Variants in RASGRF1 observed in about 807,000 individuals in gnomAD.
RASGRF1 encodes the protein ras-specific guanine nucleotide-releasing factor 1.
A neutral mutation model predicts 138.7 loss-of-function variants in RASGRF1; 40 were observed. The ratio of observed to expected loss-of-function variants is 0.29; its 90% CI spans 0.22 to 0.38. The LOEUF (loss-of-function observed/expected upper bound fraction) is 0.38, where lower values mean the gene tolerates loss of function less well. RASGRF1 is among the 10% of genes least tolerant of loss of function. RASGRF1 has a pLI of 1.00. For synonymous variants in RASGRF1, 614 were observed against 663.2 expected (o/e 0.93, Z 1.14); for missense variants, 1,108 against 1,650.4 (o/e 0.67, Z 5.69).
At chr15:79,035,891 A>G (rs1288332895) in intron 5 of RASGRF1, among the ~76,000 whole-genome samples, 5 of 152,212 alleles carry the variant, frequency 3.3e-5, no homozygotes, top group Admixed American at 2.0e-4. Flanking sequence ...AATCAAAGTC[A>G]GAGAAGCCAA....
chr15:78,960,908 C>T lies in RASGRF1; in HGVS notation c.*1236G>A, dbSNP rs1045896931. ...ATGAAACCCATCAAAACTCGCTGTTCACCCTGAGATAGAATAGATTTATTA... is the reference window on the plus strand; with the variant it reads ...ATGAAACCCATCAAAACTCGCTGTTTACCCTGAGATAGAATAGATTTATTA... On this transcript the variant is annotated 3_prime_UTR_variant, in exon 27 of 27. Coordinates refer to ENST00000558480, the MANE Select transcript of RASGRF1 (RefSeq NM_001145648.3). 3.9e-5 allele frequency: 6 copies of T among 152,194 alleles called. No individual in the cohort carries two copies. Among genetic ancestry groups the T allele is most frequent in the Non-Finnish European group, 8.8e-5 (6 of 68,038 alleles). The allele number at this position is 152,194 out of a possible 1,614,324, so 9.4% of individuals were successfully genotyped here. A position where few individuals can be genotyped will look rare whatever the true frequency, so the allele number is the denominator to read the frequency against.
intron 1 of RASGRF1, among the ~76,000 whole-genome samples, chr15:79,079,119 G>T (rs1189217166): frequency 3.3e-5 from 5 of 152,230 alleles, no homozygotes; most frequent in Non-Finnish European, 7.3e-5. Context: ...GTCTGCGGAA[G>T]GGTCTCTGTT....
At chr15:79,086,769 G>T (rs2057986399) in intron 1 of RASGRF1, among the ~76,000 whole-genome samples, 1 of 152,202 alleles carries the variant, frequency 6.6e-6, no homozygotes. Flanking sequence ...AGAAGCTGGG[G>T]CTGGACATTT....
chr15:79,088,688 G>A (rs1040394581), intron 1 of RASGRF1, among the ~76,000 whole-genome samples: 6 of 152,200 alleles, frequency 3.9e-5, no homozygotes, highest in Admixed American at 2.0e-4. Flanking sequence ...TGCAGGCCCC[G>A]GGTAGGTATG....
chr15:79,059,959 TACACTCACACACACACACACACAG>T (rs1316020213), intron 2 of RASGRF1, among the ~76,000 whole-genome samples: 1 of 113,306 alleles, frequency 8.8e-6, no homozygotes, highest in Admixed American at 9.2e-5. Context: ...TCTCCACTGA[TACACTCACACACACACACACACAG>T]ACACACAGAC....
chr15:78,970,093 A>G (rs2055720645), intron 26 of RASGRF1, among the ~76,000 whole-genome samples: 1 of 152,218 alleles, frequency 6.6e-6, no homozygotes. Flanking sequence ...CATTGATCAC[A>G]AAGGACATTA....
At position 79,064,531 on chromosome 15, in the gene RASGRF1, A is replaced by G; in HGVS notation, c.277-5T>C. The G allele has an allele frequency of 1.2e-6, 2 of 1,612,680 alleles. No homozygotes were observed. The highest frequency in any genetic ancestry group is 2.2e-5 in the East Asian group (1 of 44,876). On this transcript the variant is annotated splice_polypyrimidine_tract_variant and splice_region_variant and intron_variant, in intron 1 of 26. Coordinates refer to ENST00000558480, the MANE Select transcript of RASGRF1 (RefSeq NM_001145648.3). ...GAAGTTCACCGTGAAGTAATGCTGT[A>G]TCAAGAAGAAGACATCTCCAATTAC...
At chr15:79,081,032 T>C (rs1240353549) in intron 1 of RASGRF1, among the ~76,000 whole-genome samples, 2 of 152,204 alleles carry the variant, frequency 1.3e-5, no homozygotes, top group Non-Finnish European at 2.9e-5. Flanking sequence ...TTAAATGAAA[T>C]GCTAATCGTG....
At chr15:79,084,255 T>C (rs1595979974) in intron 1 of RASGRF1, among the ~76,000 whole-genome samples, 2 of 152,302 alleles carry the variant, frequency 1.3e-5, no homozygotes, top group South Asian at 4.1e-4. Context: ...GTTTGGCAAA[T>C]ACTATGAAGG....
At chr15:79,068,136 G>A (rs1407316616) in intron 1 of RASGRF1, among the ~76,000 whole-genome samples, 1 of 152,158 alleles carries the variant, frequency 6.6e-6, no homozygotes, top group Non-Finnish European at 1.5e-5. Context: ...GGAGGTAGGT[G>A]GCACGACCCC....
chr15:79,016,987 A>G (rs1003657262), intron 12 of RASGRF1, among the ~76,000 whole-genome samples: 2 of 152,138 alleles, frequency 1.3e-5, no homozygotes. Context: ...GAGGATGGCC[A>G]AGGCTCCCAG....
chr15:79,036,053 C>T (rs1454653470), intron 5 of RASGRF1, among the ~76,000 whole-genome samples: 4 of 152,240 alleles, frequency 2.6e-5, no homozygotes, highest in African/African-American at 9.6e-5. Flanking sequence ...CCACTGCTCC[C>T]CAAGCAGCTG....
In RASGRF1 at chr15:79,027,697, G is replaced by A; in HGVS notation, c.1381+44C>T. ...GTGCCGCCTCCCTCCCGCTGCTGGGGCCCACCTGGTGGGGGCAGGGGAGAC... is the reference window on the plus strand; with the variant it reads ...GTGCCGCCTCCCTCCCGCTGCTGGGACCCACCTGGTGGGGGCAGGGGAGAC... On this transcript the variant is annotated intron_variant, in intron 9 of 26. Transcript: ENST00000558480. The surrounding 1 kb of genome is among the most constrained non-coding windows in gnomAD (Gnocchi z 4.8). 1.9e-6 allele frequency: 3 copies of A among 1,580,382 alleles called. No homozygotes were observed. Among genetic ancestry groups the A allele is most frequent in the Non-Finnish European group, 2.6e-6 (3 of 1,152,074 alleles).
intron 1 of RASGRF1, among the ~76,000 whole-genome samples, chr15:79,079,298 A>G (rs1372855703): frequency 6.6e-6 from 1 of 152,238 alleles, no homozygotes; most frequent in Non-Finnish European, 1.5e-5. Context: ...TGCTGAATGA[A>G]GGTACAAACT....
At chr15:79,087,566 A>G (rs1165101847) in intron 1 of RASGRF1, among the ~76,000 whole-genome samples, 1 of 152,254 alleles carries the variant, frequency 6.6e-6, no homozygotes, top group Non-Finnish European at 1.5e-5. Flanking sequence ...GGCACTCTGT[A>G]CATGCCCAGC....
intron 10 of RASGRF1, among the ~76,000 whole-genome samples, chr15:79,021,399 C>A (rs944378709): frequency 3.9e-5 from 6 of 152,242 alleles, no homozygotes; most frequent in Non-Finnish European, 5.9e-5. Flanking sequence ...TTGCTTTGCT[C>A]TTTGGTGGCC....
chr15:79,020,799 A>C (rs1490809349), intron 10 of RASGRF1, among the ~76,000 whole-genome samples: 2 of 152,224 alleles, frequency 1.3e-5, no homozygotes, highest in Non-Finnish European at 2.9e-5. Flanking sequence ...CATGTTCACA[A>C]ATTCTTTCAC....
rs1383980865 is a variant in RASGRF1 at position 79,020,103 on chromosome 15, T to C, written c.1544A>G (p.Asn515Ser). The C allele has an allele frequency of 1.2e-6, 2 of 1,613,740 alleles. No individual in the cohort carries two copies. Among genetic ancestry groups the C allele is most frequent in the Non-Finnish European group, 8.5e-7 (1 of 1,180,008 alleles). Residue 515 changes from asparagine (N) to serine (S), a missense_variant and splice_region_variant, in exon 11 of 27, where the codon AAT becomes AGT. Transcript: ENST00000558480. ...GCAGTCAATGAGGGATATGACTCCA[T>C]TCTGAAAAAGAGCAGCAGGGGCTGC... is the stretch of plus-strand genomic sequence containing the variant. Reference protein sequence around the residue: ...GSGGKLHLTKNGVISLIDCTL... With the variant: ...GSGGKLHLTKSGVISLIDCTL...
intron 26 of RASGRF1, among the ~76,000 whole-genome samples, chr15:78,963,502 A>G (rs1196760155): frequency 6.6e-6 from 1 of 152,122 alleles, no homozygotes; most frequent in East Asian, 1.9e-4. Context: ...GGGTTTTGCC[A>G]TGTTGGCCAG....
Sources: allele counts gnomAD v4.1 joint callset (sites outside exome capture counted in the v4.1 genomes callset), GRCh38; gene constraint gnomAD v4.1.1; non-coding constraint Gnocchi (gnomAD v3.1); transcripts MANE v1.5; gene names NCBI Gene and HGNC (gene_info 2026-07-23, HGNC 2026-07-21).